The following KPNA7 variants were observed in gnomAD, a reference collection of about 807,000 sequenced individuals.
KPNA7 encodes the protein karyopherin subunit alpha 7, also known as importin subunit alpha-8.
KPNA7 carries 54 observed loss-of-function variants against 53.7 expected under a neutral mutation model. The observed-to-expected ratio is 1.01, with a 90% CI of 0.81 to 1.26. The LOEUF (loss-of-function observed/expected upper bound fraction) is 1.26. Among genes scored for constraint, KPNA7 ranks in the 50% most tolerant of loss-of-function variants. KPNA7 has a pLI of 0.00. For missense variants in KPNA7, 640 were observed against 644.5 expected (o/e 0.99, Z 0.07); for synonymous variants, 276 against 259.3 (o/e 1.06, Z -0.62).
chr7:99,196,888 T>C (rs150721342), intron 3 of KPNA7, among the ~76,000 whole-genome samples: 1 of 152,310 alleles, frequency 6.6e-6, no homozygotes, highest in East Asian at 1.9e-4. Context: ...TCCCTAAGAA[T>C]GTTCATTGAA....
intron 6 of KPNA7, 79 bp from the exon 7 acceptor site, chr7:99,188,642 A>G (rs1370193184): frequency 7.3e-7 from 1 of 1,362,498 alleles, no homozygotes; most frequent in Non-Finnish European, 1.0e-6. Context: ...ACCATTTCCA[A>G]TCAATACCAT....
rs745689829 is a variant in KPNA7, at chr7:99,188,550, C to A, written c.650G>T (p.Arg217Leu). 1 of 1,551,312 alleles carries A rather than the reference C, an allele frequency of 6.4e-7. No homozygotes were observed. Among genetic ancestry groups the A allele is most frequent in the South Asian group, 1.2e-5 (1 of 84,056 alleles). Reference protein sequence around the residue: ...ISPTLPITFLRNITWTLSNLC... With the variant: ...ISPTLPITFLLNITWTLSNLC... The stretch of plus-strand genomic sequence containing the variant: ...ATTCGACAAGGTCCACGTGATGTTC[C>A]GCAGAAATGTGATCTGTAACAAGGA... Residue 217 changes from arginine to leucine, a missense_variant, in exon 7 of 11, where the codon CGG (arginine) becomes CTG (leucine). Coordinates refer to ENST00000327442, the MANE Select transcript of KPNA7 (RefSeq NM_001145715.3).
At chr7:99,160,615 G>A in the KPNA7 span, among the ~76,000 whole-genome samples, 1 of 152,130 alleles carries the variant, frequency 6.6e-6, no homozygotes, top group Non-Finnish European at 1.5e-5. Flanking sequence ...TTAAATTCCA[G>A]TTATAGTATT....
intron 7 of KPNA7, among the ~76,000 whole-genome samples, 178 bp downstream of exon 7, chr7:99,188,122 C>A (rs1306293745): frequency 2.3e-5 from 3 of 130,360 alleles, no homozygotes; most frequent in African/African-American, 8.7e-5. Context: ...TTGCAATGAG[C>A]TGAGATTGTG....
the KPNA7 span, among the ~76,000 whole-genome samples, chr7:99,161,110 C>G: frequency 6.6e-6 from 1 of 152,284 alleles, no homozygotes; most frequent in Admixed American, 6.5e-5. Context: ...GACGTGCTCA[C>G]CTCAGCCTCT....
At chr7:99,154,744 C>T in the KPNA7 span, among the ~76,000 whole-genome samples, 3 of 151,830 alleles carry the variant, frequency 2.0e-5, no homozygotes, top group Admixed American at 2.0e-4. Context: ...CCAAGCTGGT[C>T]TCGATCTCCT....
At chr7:99,197,891 G>A (rs540846759) in intron 3 of KPNA7, among the ~76,000 whole-genome samples, 1 of 152,008 alleles carries the variant, frequency 6.6e-6, no homozygotes, top group Admixed American at 6.6e-5. Flanking sequence ...GGAGAAGAGG[G>A]AAAGAGGCAG....
intron 1 of KPNA7, among the ~76,000 whole-genome samples, chr7:99,213,456 A>AAAAAAG (rs1472872318): frequency 3.4e-4 from 43 of 126,148 alleles, no homozygotes; most frequent in African/African-American, 8.7e-4. Context: ...AAAAAAAAAA[A>AAAAAAG]AGAGAGAGAG....
intron 2 of KPNA7, among the ~76,000 whole-genome samples, chr7:99,203,790 A>C (rs1790666086): frequency 6.6e-6 from 1 of 152,042 alleles, no homozygotes; most frequent in Non-Finnish European, 1.5e-5. Flanking sequence ...AGCCCACTAC[A>C]ACCTCTGCCT....
At chr7:99,170,593 C>A (rs968124893), downstream of KPNA7, among the ~76,000 whole-genome samples, 52 of 152,278 alleles carry the variant, frequency 3.4e-4, no homozygotes, top group African/African-American at 1.2e-3. Flanking sequence ...CCTCCCACCT[C>A]AGCCTCCCAA....
chr7:99,207,800 T>G (rs1007054284), intron 1 of KPNA7, among the ~76,000 whole-genome samples: 1 of 151,062 alleles, frequency 6.6e-6, no homozygotes, highest in Non-Finnish European at 1.5e-5. Flanking sequence ...CACGCCCGGC[T>G]AATTTTTGTC....
At chr7:99,154,192 G>C in the KPNA7 span, among the ~76,000 whole-genome samples, 1 of 147,428 alleles carries the variant, frequency 6.8e-6, no homozygotes, top group East Asian at 2.0e-4. Context: ...GCAGTGGCAT[G>C]ATCTCAGCTC....
the KPNA7 span, among the ~76,000 whole-genome samples, chr7:99,162,592 G>A: frequency 6.6e-6 from 1 of 152,002 alleles, no homozygotes. Flanking sequence ...TTTAAACCTT[G>A]CTAGGCAAGT....
At chr7:99,169,229 G>T (rs1218139477), downstream of KPNA7, among the ~76,000 whole-genome samples, 1 of 152,154 alleles carries the variant, frequency 6.6e-6, no homozygotes, top group Non-Finnish European at 1.5e-5. Flanking sequence ...TGAAAGCTTG[G>T]CAGGTCCCTG....
the KPNA7 span, among the ~76,000 whole-genome samples, chr7:99,167,517 A>T: frequency 3.3e-5 from 5 of 151,176 alleles, no homozygotes; most frequent in Admixed American, 6.6e-5. Context: ...TACTGGCGCA[A>T]CCTTGGCTCA....
chr7:99,155,163 C>T, the KPNA7 span, among the ~76,000 whole-genome samples: 1 of 152,266 alleles, frequency 6.6e-6, no homozygotes, highest in South Asian at 2.1e-4. Context: ...CCTCTTCCTG[C>T]CTCCATTTTT....
chr7:99,209,700 AAAAAAAAAAAG>A (rs1480518071), upstream of KPNA7, among the ~76,000 whole-genome samples: 20 of 148,090 alleles, frequency 1.4e-4, no homozygotes, highest in African/African-American at 4.9e-4. Flanking sequence ...AAAAAAAAAA[AAAAAAAAAAAG>A]AAAAAAATCT....
the KPNA7 span, among the ~76,000 whole-genome samples, chr7:99,147,267 A>G: frequency 1.3e-5 from 2 of 152,240 alleles, no homozygotes; most frequent in African/African-American, 4.8e-5. Flanking sequence ...TGACAGAACA[A>G]TTCTACATAA....
downstream of KPNA7, among the ~76,000 whole-genome samples, chr7:99,171,135 G>A (rs546089875): frequency 3.3e-5 from 5 of 152,170 alleles, no homozygotes; most frequent in Admixed American, 1.3e-4. Context: ...CAGGAGAATC[G>A]CTTGAACCCG....
Sources: allele counts gnomAD v4.1 joint callset (sites outside exome capture counted in the v4.1 genomes callset), GRCh38; gene constraint gnomAD v4.1.1; transcripts MANE v1.5; gene names NCBI Gene and HGNC (gene_info 2026-07-23, HGNC 2026-07-21).